The following EWSR1 variants were observed in gnomAD, a reference collection of about 807,000 sequenced individuals.
The protein encoded by EWSR1 is EWS RNA binding protein 1.
A neutral mutation model predicts 92.1 loss-of-function variants in EWSR1; 14 were observed. That is an observed-to-expected ratio of 0.15 (90% CI 0.10 to 0.24). The LOEUF is 0.24. Ranked by LOEUF, EWSR1 falls within the 10% of genes least tolerant of loss-of-function variation. EWSR1 has a pLI of 1.00. For synonymous variants in EWSR1, 303 were observed against 292.9 expected, an observed-to-expected ratio of 1.03 and a Z score of -0.35; for missense variants, 637 against 870.9, an observed-to-expected ratio of 0.73 and a Z score of 3.38.
Position 29,298,713 on chromosome 22 carries a change from T to C in EWSR1, c.1418-20T>C, listed in dbSNP as rs1326137577. 2 of 1,611,668 alleles carry C rather than the reference T, an allele frequency of 1.2e-6. No homozygotes were observed. Among genetic ancestry groups the C allele is most frequent in the African/African-American group, 1.3e-5 (1 of 74,796 alleles). On this transcript the variant is annotated intron_variant, in intron 13 of 16. Coordinates refer to ENST00000397938, the MANE Select transcript of EWSR1 (RefSeq NM_005243.4). ...TGCTACAGAGAAATGATTTGCTGTT[T>C]CTTGTTGTTCTTGTTGTAGGTCCAG...
At chr22:29,291,639 A>AT in intron 9 of EWSR1, 40 bp downstream of exon 9, 1 of 1,569,428 alleles carries the variant, frequency 6.4e-7, no homozygotes, top group Non-Finnish European at 8.7e-7. Context: ...GTTTAAAAAA[A>AT]AATGCAGTCA....
Position 29,291,554 on chromosome 22 carries a change from C to T in EWSR1, c.975-8C>T. 1.9e-6 allele frequency: 3 copies of T among 1,611,882 alleles called. No individual in the cohort carries two copies. The highest frequency in any genetic ancestry group is 1.1e-5 in the South Asian group (1 of 90,426). ...GAAAGGCCTTCATTTCTTCGTTTAT[C>T]CCCCCAGCAGCGCTGGAGAGCGAGG... On this transcript the variant is annotated splice_region_variant and splice_polypyrimidine_tract_variant and intron_variant, in intron 8 of 16. Transcript: ENST00000397938.
At chr22:29,278,844 A>T (rs1361382097) in intron 5 of EWSR1, among the ~76,000 whole-genome samples, 4 of 151,826 alleles carry the variant, frequency 2.6e-5, no homozygotes, top group Non-Finnish European at 5.9e-5. Flanking sequence ...AAAATAGAAA[A>T]ATTAGCTGGG....
chr22:29,278,511 A>G (rs2059298678), intron 5 of EWSR1, among the ~76,000 whole-genome samples: 2 of 151,786 alleles, frequency 1.3e-5, no homozygotes, highest in South Asian at 4.2e-4. Context: ...ACATGGGTGA[A>G]ACCCCGTCTC....
At chr22:29,268,920 C>T (rs1270571528) in intron 1 of EWSR1, among the ~76,000 whole-genome samples, 2 of 152,238 alleles carry the variant, frequency 1.3e-5, no homozygotes, top group Admixed American at 6.5e-5. Flanking sequence ...TGCCGAGCTG[C>T]CCCCTCTGTG....
At chr22:29,273,461 A>G (rs1396683609) in intron 3 of EWSR1, among the ~76,000 whole-genome samples, 2 of 151,864 alleles carry the variant, frequency 1.3e-5, no homozygotes, top group African/African-American at 4.8e-5. Context: ...GTTTTGCCTG[A>G]TTATCTTTTT....
At chr22:29,288,831 A>G (rs1569097071) in intron 8 of EWSR1, 45 bp downstream of exon 8, 35 of 1,484,504 alleles carry the variant, frequency 2.4e-5, no homozygotes, top group Non-Finnish European at 3.0e-5. Flanking sequence ...TGTTTCATCC[A>G]TAGGATTTTC....
At chr22:29,293,520 C>CT (rs139051249) in intron 11 of EWSR1, among the ~76,000 whole-genome samples, 1 of 152,068 alleles carries the variant, frequency 6.6e-6, no homozygotes, top group African/African-American at 2.4e-5. Context: ...ACTGAGTGAT[C>CT]TTTTTTTCCC....
intron 8 of EWSR1, chr22:29,289,260 AT>A: frequency 4.3e-6 from 1 of 233,204 alleles, no homozygotes; most frequent in Non-Finnish European, 8.5e-6. Context: ...ACATATGAAG[AT>A]TTTGGTCCCA....
rs2061256319 is a variant in EWSR1 at position 29,300,380 on chromosome 22, T to C, written c.*219T>C. The C allele has an allele frequency of 2.0e-6, 1 of 499,856 alleles. No individual in the cohort carries two copies. Among genetic ancestry groups the C allele is most frequent in the African/African-American group, 2.0e-5 (1 of 50,166 alleles). 31.0% of individuals were successfully genotyped at this position (499,856 alleles called of 1,614,324 possible). A position where few individuals can be genotyped will look rare whatever the true frequency, so the allele number is the denominator to read the frequency against. On this transcript the variant is annotated 3_prime_UTR_variant, in exon 17 of 17. Coordinates refer to ENST00000397938, the MANE Select transcript of EWSR1 (RefSeq NM_005243.4). The stretch of plus-strand genomic sequence containing the variant: ...TCTTCCTTCTTTTAAAAATGGTTGT[T>C]TAAGACTTTAACAATGGGAACCCCT...
Position 29,297,937 on chromosome 22 carries a change from C to T in EWSR1, c.1405C>T (p.Pro469Ser). 6.2e-7 allele frequency: 1 copy of T among 1,613,758 alleles called. No homozygotes were observed. The highest frequency in any genetic ancestry group is 1.1e-5 in the South Asian group (1 of 91,058). The change falls in exon 13 of 17, where the codon CCA (proline) becomes TCA (serine). Residue 469 changes from proline (P) to serine (S), a missense_variant. Physicochemically the swap from Pro to Ser is moderately conservative, Grantham distance 74 (BLOSUM62 -1). Coordinates refer to ENST00000397938, the MANE Select transcript of EWSR1 (RefSeq NM_005243.4). ...PPREGRGMPP[P>S]LRGGPGGPGG... ...CCGTGAGGGCAGAGGCATGCCACCA[C>T]CACTCCGTGGAGGTACTTTTTCTGA... is the stretch of plus-strand genomic sequence containing the variant.
At chr22:29,272,534 G>A (rs934984595) in intron 3 of EWSR1, 103 bp downstream of exon 3, 1 of 1,207,216 alleles carries the variant, frequency 8.3e-7, no homozygotes, top group Non-Finnish European at 1.2e-6. Flanking sequence ...TAATGTGTTT[G>A]GAATAGTAAA....
chr22:29,282,893 G>A (rs537965077), intron 6 of EWSR1, among the ~76,000 whole-genome samples: 1 of 151,410 alleles, frequency 6.6e-6, no homozygotes. Flanking sequence ...CTCCCGAGTA[G>A]CTGGGACTAC....
intron 6 of EWSR1, among the ~76,000 whole-genome samples, chr22:29,282,775 TC>T (rs1414852860): frequency 2.0e-5 from 3 of 149,812 alleles, no homozygotes; most frequent in Admixed American, 6.6e-5. Flanking sequence ...TTTTTTTTTT[TC>T]CCCCGAGACG....
At chr22:29,280,880 T>G (rs796420653) in intron 5 of EWSR1, among the ~76,000 whole-genome samples, 25,766 of 82,946 alleles carry the variant, frequency 0.31, 5,384 homozygotes, top group East Asian at 0.44. Context: ...TTTTTTTTTT[T>G]TTTTTTTTTT....
intron 4 of EWSR1, chr22:29,277,540 G>GT (rs1222389439): frequency 4.4e-6 from 1 of 228,596 alleles, no homozygotes; most frequent in African/African-American, 2.2e-5. Flanking sequence ...CAAATTACAG[G>GT]TTTTAGTGCT....
intron 5 of EWSR1, among the ~76,000 whole-genome samples, chr22:29,279,933 T>C (rs910780887): frequency 6.6e-6 from 1 of 152,222 alleles, no homozygotes; most frequent in Non-Finnish European, 1.5e-5. Flanking sequence ...GTCATCCTTT[T>C]TTTTTCTTTT....
At chr22:29,282,998 G>A (rs542814370) in intron 6 of EWSR1, among the ~76,000 whole-genome samples, 4 of 152,194 alleles carry the variant, frequency 2.6e-5, no homozygotes, top group African/African-American at 9.6e-5. Flanking sequence ...TCCTGACCTC[G>A]TGATCCACCC....
intron 6 of EWSR1, among the ~76,000 whole-genome samples, chr22:29,284,630 T>G (rs1314126142): frequency 6.6e-6 from 1 of 151,208 alleles, no homozygotes; most frequent in Non-Finnish European, 1.5e-5. Flanking sequence ...AAGCTTTGTT[T>G]GTTTGTTTAT....
Sources: gnomAD v4.1 joint callset for allele counts (sites outside exome capture counted in the v4.1 genomes callset) on GRCh38, gnomAD v4.1.1 for gene constraint, MANE v1.5 for transcripts, NCBI Gene and HGNC (gene_info 2026-07-23, HGNC 2026-07-21) for gene names.